Variants in RGSL1 observed in about 807,000 individuals in gnomAD.
The protein encoded by RGSL1 is regulator of G protein signaling protein-like.
Under a neutral mutation model 124.7 loss-of-function variants are expected in RGSL1, and 97 were observed. The ratio of observed to expected loss-of-function variants is 0.78; its 90% confidence interval spans 0.66 to 0.92. RGSL1 has a LOEUF of 0.92. RGSL1 is among the 40% of genes least tolerant of loss of function. RGSL1 has a pLI of 0.00. For synonymous variants in RGSL1, 424 were observed against 438.1 expected (o/e 0.97, Z 0.40); for missense variants, 1,233 against 1,288.4 (o/e 0.96, Z 0.66).
At chr1:182,530,455 T>C (rs987674639) in intron 12 of RGSL1, 94 bp downstream of exon 12, 2 of 975,374 alleles carry the variant, frequency 2.1e-6, no homozygotes, top group East Asian at 2.6e-5. Flanking sequence ...TCCATTTTCA[T>C]AGCTCATTGC....
At chr1:182,483,151 C>T (rs1290273313) in intron 6 of RGSL1, among the ~76,000 whole-genome samples, 3 of 152,034 alleles carry the variant, frequency 2.0e-5, no homozygotes, top group South Asian at 2.1e-4. Context: ...GTTTCAGTCA[C>T]GAGAGATAAA....
At chr1:182,500,053 C>T (rs1219558920) in intron 9 of RGSL1, among the ~76,000 whole-genome samples, 7 of 152,040 alleles carry the variant, frequency 4.6e-5, no homozygotes, top group Non-Finnish European at 4.4e-5. Flanking sequence ...ATTTTTTGCT[C>T]GTGCTTTTAG....
chr1:182,544,601 C>G (rs1485561524), intron 15 of RGSL1, among the ~76,000 whole-genome samples: 1 of 147,014 alleles, frequency 6.8e-6, no homozygotes, highest in Non-Finnish European at 1.5e-5. Flanking sequence ...TATTGAAATT[C>G]CTGCTATTAT....
At chr1:182,461,197 A>G (rs1652805034) in intron 4 of RGSL1, among the ~76,000 whole-genome samples, 1 of 151,864 alleles carries the variant, frequency 6.6e-6, no homozygotes, top group Non-Finnish European at 1.5e-5. Context: ...ACAACTGCAT[A>G]TATGGAGAAA....
At chr1:182,513,271 T>C (rs1333447181) in intron 9 of RGSL1, among the ~76,000 whole-genome samples, 1 of 152,214 alleles carries the variant, frequency 6.6e-6, no homozygotes, top group African/African-American at 2.4e-5. Context: ...GAAGTCAGAT[T>C]CCTCCCCAAT....
At chr1:182,501,583 T>C (rs1558319956) in intron 9 of RGSL1, among the ~76,000 whole-genome samples, 1 of 152,102 alleles carries the variant, frequency 6.6e-6, no homozygotes, top group Non-Finnish European at 1.5e-5. Flanking sequence ...CCTCCAAGAA[T>C]GCTGGGATTA....
chr1:182,489,924 T>G (rs1055488920), intron 8 of RGSL1, among the ~76,000 whole-genome samples: 2 of 152,214 alleles, frequency 1.3e-5, no homozygotes, highest in Non-Finnish European at 2.9e-5. Flanking sequence ...TTGAGCATAG[T>G]GCTTTAATTA....
intron 1 of RGSL1, among the ~76,000 whole-genome samples, 199 bp from the exon 2 acceptor site, chr1:182,453,759 A>G (rs1483276234): frequency 6.6e-6 from 1 of 152,202 alleles, no homozygotes; most frequent in Non-Finnish European, 1.5e-5. Context: ...AGCTCCCCAC[A>G]GCTGGGAGTG....
chr1:182,448,948 T>C (rs1333935126), upstream of RGSL1, among the ~76,000 whole-genome samples: 1 of 152,190 alleles, frequency 6.6e-6, no homozygotes, highest in Non-Finnish European at 1.5e-5. Context: ...AAGCATTCCA[T>C]CTTAAGGAAT....
upstream of RGSL1, among the ~76,000 whole-genome samples, chr1:182,448,912 A>G (rs914562415): frequency 2.6e-5 from 4 of 152,206 alleles, no homozygotes; most frequent in Non-Finnish European, 4.4e-5. Context: ...GGGTAGGTGC[A>G]CACAGCTTGA....
chr1:182,518,694 C>T (rs1397066388), intron 9 of RGSL1, among the ~76,000 whole-genome samples: 2 of 152,190 alleles, frequency 1.3e-5, no homozygotes, highest in East Asian at 1.9e-4. Flanking sequence ...GAAAACTTTC[C>T]ATGCACTGTT....
At chr1:182,528,892 C>T (rs1459428181) in intron 11 of RGSL1, among the ~76,000 whole-genome samples, 1 of 152,214 alleles carries the variant, frequency 6.6e-6, no homozygotes, top group Non-Finnish European at 1.5e-5. Context: ...AACTTTCAGT[C>T]ATGGTGGAAG....
Position 182,460,013 on chromosome 1 carries a change from T to TA in RGSL1, c.182dup (p.Tyr61Ter), listed in dbSNP as rs770678434. ...PEIPCNLIAKYKGLLTWLEKC... is the reference protein window; with the variant it reads ...PEIPCNLIAK ...TTTGCTTTGACTCTAGATTGCCAAATACAAAGGGTTATTGACCTGGTTGGA... is the reference window on the plus strand; with the variant it reads ...TTTGCTTTGACTCTAGATTGCCAAATAACAAAGGGTTATTGACCTGGTTGGA... The change falls in exon 4 of 22, where the codon TAC (tyrosine) becomes TAAC (stop). Residue 61 changes from tyrosine (Y) to a stop codon, truncating the protein, a stop_gained and frameshift_variant. Transcript: ENST00000294854. LOFTEE classifies it high-confidence loss of function. The TA allele has an allele frequency of 6.4e-7, 1 of 1,551,354 alleles. No homozygotes were observed. The highest frequency in any genetic ancestry group is 1.2e-5 in the South Asian group (1 of 83,980).
At chr1:182,460,323 T>C (rs1652716115) in intron 4 of RGSL1, among the ~76,000 whole-genome samples, 190 bp downstream of exon 4, 1 of 152,194 alleles carries the variant, frequency 6.6e-6, no homozygotes, top group African/African-American at 2.4e-5. Context: ...ACTGGCTGAA[T>C]TTATAGATAT....
intron 11 of RGSL1, among the ~76,000 whole-genome samples, chr1:182,529,011 A>G (rs1399260900): frequency 6.6e-6 from 1 of 152,100 alleles, no homozygotes; most frequent in Non-Finnish European, 1.5e-5. Context: ...CAAGAACAGC[A>G]TGGGGTAAAC....
intron 13 of RGSL1, among the ~76,000 whole-genome samples, chr1:182,531,808 A>G (rs1464515613): frequency 1.3e-5 from 2 of 152,134 alleles, no homozygotes; most frequent in Non-Finnish European, 2.9e-5. Context: ...CTTAATGCCT[A>G]CTGTTTGCCA....
chr1:182,510,965 G>A (rs1446904018), intron 9 of RGSL1, among the ~76,000 whole-genome samples: 3 of 151,940 alleles, frequency 2.0e-5, no homozygotes, highest in African/African-American at 4.8e-5. Context: ...TTTGGTTGCT[G>A]GTGCTTTTTT....
At chr1:182,511,939 G>A (rs1657494433) in intron 9 of RGSL1, among the ~76,000 whole-genome samples, 1 of 151,846 alleles carries the variant, frequency 6.6e-6, no homozygotes, top group Non-Finnish European at 1.5e-5. Context: ...AATTTTTCTT[G>A]TATAGATCTT....
chr1:182,488,176 A>G, intron 6 of RGSL1, 109 bp from the exon 7 acceptor site: 4 of 1,069,960 alleles, frequency 3.7e-6, no homozygotes, highest in Non-Finnish European at 5.4e-6. Flanking sequence ...TCTCCAAATT[A>G]CAGAACCCAG....
Sources: gnomAD v4.1 joint callset for allele counts (sites outside exome capture counted in the v4.1 genomes callset) on GRCh38, gnomAD v4.1.1 for gene constraint, MANE v1.5 for transcripts, NCBI Gene and HGNC (gene_info 2026-07-23, HGNC 2026-07-21) for gene names.